Variants in DIPK1A observed in about 807,000 individuals in gnomAD.
The protein encoded by DIPK1A is family with sequence similarity 69 member A.
In DIPK1A, 27 loss-of-function variants were observed where a neutral mutation model predicts 40.8. The ratio of observed to expected loss-of-function variants is 0.66; its 90% CI spans 0.49 to 0.91. The LOEUF (loss-of-function observed/expected upper bound fraction) is 0.91. Among genes scored for constraint, DIPK1A ranks in the 40% least tolerant of loss-of-function variants. The pLI, the probability that DIPK1A is intolerant of heterozygous loss-of-function variation, is 0.00. For missense variants in DIPK1A, 412 were observed against 505.7 expected, an observed-to-expected ratio of 0.81 and a Z score of 1.78; for synonymous variants, 166 against 171.3, an observed-to-expected ratio of 0.97 and a Z score of 0.24.
At chr1:92,907,675 C>T (rs1649677203) in intron 1 of DIPK1A, among the ~76,000 whole-genome samples, 1 of 151,944 alleles carries the variant, frequency 6.6e-6, no homozygotes, top group African/African-American at 2.4e-5. Flanking sequence ...CCCCTGGGCT[C>T]AAGTGATTCT....
At chr1:92,938,807 C>T (rs999704451) in intron 1 of DIPK1A, among the ~76,000 whole-genome samples, 2 of 152,144 alleles carry the variant, frequency 1.3e-5, no homozygotes, top group Non-Finnish European at 2.9e-5. Flanking sequence ...GTCAGAAGGA[C>T]AAAGGAGCTT....
Position 92,961,426 on chromosome 1 carries a change from C to T in DIPK1A, c.4G>A (p.Ala2Thr). ...CAGGCCCCCGGACAGAGACTCCTCGCCATGGTAATCACACATCGCCCCGCC... is the reference window on the plus strand; with the variant it reads ...CAGGCCCCCGGACAGAGACTCCTCGTCATGGTAATCACACATCGCCCCGCC... M[A>T]RSLCPGAWLR... is the part of the protein sequence containing the mutation. The change falls in exon 1 of 5, where the codon GCG (alanine) becomes ACG (threonine). Residue 2 changes from alanine to threonine, a missense_variant. Coordinates refer to ENST00000370310, the MANE Select transcript of DIPK1A (RefSeq NM_001006605.5). The T allele has an allele frequency of 6.6e-7, 1 of 1,516,548 alleles. No homozygotes were observed. 93.9% of individuals were successfully genotyped at this position (1,516,548 alleles called of 1,614,324 possible). A position where few individuals can be genotyped will look rare whatever the true frequency, so the allele number is the denominator to read the frequency against.
chr1:92,909,319 G>A (rs1298550828), intron 1 of DIPK1A, among the ~76,000 whole-genome samples: 1 of 152,146 alleles, frequency 6.6e-6, no homozygotes, highest in Non-Finnish European at 1.5e-5. Flanking sequence ...AATGCTATGT[G>A]CTTTGTGCTA....
intron 1 of DIPK1A, among the ~76,000 whole-genome samples, chr1:92,895,424 T>C (rs1293242724): frequency 1.3e-5 from 2 of 152,110 alleles, no homozygotes; most frequent in Non-Finnish European, 2.9e-5. Context: ...TCTCAATAGA[T>C]GCAGAAAAGG....
chr1:92,887,052 T>C (rs902573580), intron 1 of DIPK1A, among the ~76,000 whole-genome samples: 2 of 151,936 alleles, frequency 1.3e-5, no homozygotes, highest in African/African-American at 4.8e-5. Flanking sequence ...CCCTGCCTCA[T>C]TGGTGTTGGG....
At chr1:92,927,987 G>T (rs766825482) in intron 1 of DIPK1A, among the ~76,000 whole-genome samples, 13 of 152,314 alleles carry the variant, frequency 8.5e-5, no homozygotes, top group Non-Finnish European at 1.5e-4. Context: ...GAGGGGAACT[G>T]CTGGGTCTTG....
rs1469977398 is a variant in DIPK1A at position 92,846,819 on chromosome 1, A to ATGTGTGTG, written c.474+363_474+364insCACACACA. On this transcript the variant is annotated intron_variant, in intron 4 of 4. Coordinates refer to ENST00000370310, the MANE Select transcript of DIPK1A (RefSeq NM_001006605.5). ...TATATATATATATATATATATATAT[A>ATGTGTGTG]TATATATATATATATATATATATGT... Among the ~76,000 whole-genome samples the ATGTGTGTG allele has an allele frequency of 1.3e-3, 5 of 3,966 alleles. 1 individual carries two copies. Among genetic ancestry groups the ATGTGTGTG allele is most frequent in the African/African-American group, 7.6e-3 (5 of 654 alleles). The allele number at this position is 3,966 out of a possible 152,430, so 2.6% of individuals were successfully genotyped here.
At chr1:92,898,546 G>C (rs1649278499) in intron 1 of DIPK1A, among the ~76,000 whole-genome samples, 1 of 152,138 alleles carries the variant, frequency 6.6e-6, no homozygotes, top group South Asian at 2.1e-4. Context: ...TATGAACATA[G>C]TCACTGCAGC....
chr1:92,960,137 G>GT (rs2100930466), intron 1 of DIPK1A, among the ~76,000 whole-genome samples: 1 of 151,820 alleles, frequency 6.6e-6, no homozygotes, highest in Admixed American at 6.6e-5. Context: ...TTGTGACAGT[G>GT]TTACTCAAGT....
intron 1 of DIPK1A, chr1:92,932,451 AT>A (rs1414220518): frequency 6.6e-6 from 1 of 152,100 alleles, no homozygotes; most frequent in Admixed American, 6.5e-5. Flanking sequence ...AAAAAAAAAA[AT>A]TAAAAATTTT....
rs551389774 is a variant in DIPK1A at position 92,946,504 on chromosome 1, T to C, written c.54+14872A>G. ...CGGATAAAATAAGAAACAGTTGTTA[T>C]TTCTGAGGTTACCAAGTTAAGCAAC... On this transcript the variant is annotated intron_variant, in intron 1 of 4. Transcript: ENST00000370310. Among the ~76,000 whole-genome samples the C allele has an allele frequency of 2.6e-5, 4 of 152,348 alleles. No homozygotes were observed. In the East Asian group the frequency reaches 7.7e-4, roughly 29 times the overall value.
chr1:92,927,715 A>G (rs1049385113), intron 1 of DIPK1A, among the ~76,000 whole-genome samples: 1 of 152,202 alleles, frequency 6.6e-6, no homozygotes, highest in African/African-American at 2.4e-5. Context: ...ATAATACAAT[A>G]TGTGGTCTTC....
At chr1:92,910,901 C>T (rs1298347688) in intron 1 of DIPK1A, among the ~76,000 whole-genome samples, 1 of 151,538 alleles carries the variant, frequency 6.6e-6, no homozygotes, top group Non-Finnish European at 1.5e-5. Flanking sequence ...CTATTACAGT[C>T]AAGCACACAA....
intron 1 of DIPK1A, among the ~76,000 whole-genome samples, chr1:92,886,074 T>C (rs1282231178): frequency 1.3e-5 from 2 of 152,194 alleles, no homozygotes; most frequent in Non-Finnish European, 2.9e-5. Flanking sequence ...GGCTCATGCC[T>C]GTAATCCCAG....
rs1687475218 is a variant in DIPK1A at position 92,843,749 on chromosome 1, A to G, written c.921T>C (p.Asp307=). The G allele has an allele frequency of 6.4e-7, 1 of 1,551,742 alleles. No individual in the cohort carries two copies. Residue 307 remains aspartate (D), a synonymous_variant, in exon 5 of 5, where the codon GAT becomes GAC. Transcript: ENST00000370310. The part of the protein sequence containing the change: ...AKNLGYNDKY[D]LKMVDMRKIV... ...TTTTTCTCATATCCACCATTTTCAA[A>G]TCATACTTATCATTATATCCTAGGT...
intron 2 of DIPK1A, among the ~76,000 whole-genome samples, chr1:92,862,566 G>C (rs1647326251): frequency 6.6e-6 from 1 of 152,122 alleles, no homozygotes; most frequent in Admixed American, 6.6e-5. Flanking sequence ...TATTACAACT[G>C]CCATAAAACA....
At position 92,886,863 on chromosome 1, in the gene DIPK1A, T is replaced by C. The variant is rs1374483174; in HGVS notation, c.55-10433A>G. 2.6e-5 allele frequency among the ~76,000 whole-genome samples: 4 copies of C among 152,068 alleles called. No homozygotes were observed. The East Asian group carries it at 7.7e-4, about 29-fold the overall frequency. On this transcript the variant is annotated intron_variant, in intron 1 of 4. Transcript: ENST00000370310. ...GCTTATTGGAACACAGTTACTCTAG[T>C]TGTCGATACATTATTATCTAAGGCT...
chr1:92,862,522 C>A (rs546653363), intron 2 of DIPK1A, among the ~76,000 whole-genome samples: 2 of 152,288 alleles, frequency 1.3e-5, no homozygotes, highest in South Asian at 4.1e-4. Flanking sequence ...ATTGTCAATG[C>A]CATAGTTTAA....
chr1:92,904,345 A>G (rs1649524905), intron 1 of DIPK1A, among the ~76,000 whole-genome samples: 1 of 152,206 alleles, frequency 6.6e-6, no homozygotes. Flanking sequence ...ATATGGGAAA[A>G]TGCTGAAAAA....
Sources: gnomAD v4.1 joint callset for allele counts (sites outside exome capture counted in the v4.1 genomes callset) on GRCh38, gnomAD v4.1.1 for gene constraint, MANE v1.5 for transcripts, NCBI Gene and HGNC (gene_info 2026-07-23, HGNC 2026-07-21) for gene names.